DIAPH2: variants seen among roughly 807,000 people sequenced by gnomAD.
DIAPH2 encodes the protein diaphanous related formin 2, also known as protein diaphanous homolog 2.
In DIAPH2, 35 loss-of-function variants were observed where a neutral mutation model predicts 92.7. The ratio of observed to expected loss-of-function variants is 0.38; its 90% confidence interval spans 0.29 to 0.50. The LOEUF is 0.50. Ranked by LOEUF, DIAPH2 falls within the 20% of genes least tolerant of loss-of-function variation. The pLI is 0.94. For synonymous variants in DIAPH2, 301 were observed against 280.4 expected (o/e 1.07, Z -0.73); for missense variants, 701 against 819.5 (o/e 0.86, Z 1.77).
intron 22 of DIAPH2, among the ~76,000 whole-genome samples, chrX:97,218,729 A>T (rs1452714409): frequency 8.9e-6 from 1 of 111,900 alleles, no homozygotes; most frequent in African/African-American, 3.2e-5. Context: ...ATATTTGCAT[A>T]CAATCTAAGC....
rs1034238463 is a variant in DIAPH2, at chrX:97,421,290, A to G, written c.3146-8360A>G. Among the ~76,000 whole-genome samples the G allele has an allele frequency of 2.1e-4, 24 of 111,862 alleles. No individual in the cohort carries two copies. The Admixed American group carries it at 2.2e-3, about 10-fold the overall frequency. On this transcript the variant is annotated intron_variant, in intron 25 of 26. Coordinates refer to ENST00000324765, the MANE Select transcript of DIAPH2 (RefSeq NM_006729.5). ...AGTCTTTATTATCTCCTATTGTTTC[A>G]TGTTAAATTCTGAGAGTTATTTGTC...
chrX:96,868,084 G>A (rs753047595), intron 4 of DIAPH2, among the ~76,000 whole-genome samples: 1 of 112,106 alleles, frequency 8.9e-6, no homozygotes, highest in South Asian at 3.7e-4. Flanking sequence ...TGCCTACCGT[G>A]CCGTAGGATA....
At chrX:96,966,871 C>T (rs2065896549) in intron 17 of DIAPH2, among the ~76,000 whole-genome samples, 1 of 111,713 alleles carries the variant, frequency 9.0e-6, no homozygotes, top group Non-Finnish European at 1.9e-5. Context: ...TTTATAATGT[C>T]ACAAAGAATA....
intron 7 of DIAPH2, among the ~76,000 whole-genome samples, chrX:96,914,975 T>G (rs2065493662): frequency 9.0e-6 from 1 of 111,068 alleles, no homozygotes. Context: ...GACTTACACA[T>G]CAAATTTTTT....
chrX:97,479,360 A>G (rs943677654), intron 26 of DIAPH2, among the ~76,000 whole-genome samples: 6 of 111,897 alleles, frequency 5.4e-5, no homozygotes, highest in African/African-American at 2.0e-4. Context: ...AAGAAAGGTC[A>G]GGAAGTTATT....
chrX:97,191,454 T>C (rs2067653168), intron 22 of DIAPH2, among the ~76,000 whole-genome samples: 1 of 112,012 alleles, frequency 8.9e-6, no homozygotes, highest in Non-Finnish European at 1.9e-5. Flanking sequence ...TTAAAATCTC[T>C]AGTGGGATAG....
chrX:97,041,649 AATTGTAATATTT>A (rs2066449266), intron 17 of DIAPH2, among the ~76,000 whole-genome samples: 1 of 111,827 alleles, frequency 8.9e-6, no homozygotes, highest in Admixed American at 9.5e-5. Flanking sequence ...GGTGCAAAAA[AATTGTAATATTT>A]ACATATCTTT....
At chrX:97,324,465 C>T (rs1438320587) in intron 23 of DIAPH2, among the ~76,000 whole-genome samples, 2 of 112,347 alleles carry the variant, frequency 1.8e-5, no homozygotes, top group Non-Finnish European at 3.8e-5. Context: ...TCAAATAGTA[C>T]ATTTTTAAAA....
chrX:96,949,687 CAAAAAA>C (rs1167294262), intron 15 of DIAPH2, among the ~76,000 whole-genome samples: 3 of 40,315 alleles, frequency 7.4e-5, no homozygotes, highest in Admixed American at 3.8e-4. Context: ...ACTAAAAATA[CAAAAAA>C]AAAAAAAAAA....
chrX:97,456,871 G>A (rs1403589839), intron 26 of DIAPH2, among the ~76,000 whole-genome samples: 1 of 111,148 alleles, frequency 9.0e-6, no homozygotes, highest in Non-Finnish European at 1.9e-5. Flanking sequence ...GAACGTTTCT[G>A]TAAGCATCCA....
At chrX:97,105,713 G>A (rs2066935702) in intron 20 of DIAPH2, among the ~76,000 whole-genome samples, 2 of 112,003 alleles carry the variant, frequency 1.8e-5, no homozygotes, top group African/African-American at 6.5e-5. Context: ...ATCTTCTGAG[G>A]AAAAGAAGGC....
chrX:97,265,588 T>C (rs2068329832), intron 23 of DIAPH2, among the ~76,000 whole-genome samples: 1 of 111,979 alleles, frequency 8.9e-6, no homozygotes, highest in Non-Finnish European at 1.9e-5. Flanking sequence ...ATTCCAGACA[T>C]GTAAAGATCT....
At chrX:97,124,720 C>T (rs750031311) in intron 21 of DIAPH2, among the ~76,000 whole-genome samples, 1 of 111,259 alleles carries the variant, frequency 9.0e-6, no homozygotes, top group East Asian at 2.8e-4. Context: ...TTATTAATAT[C>T]GTGAAGCCTA....
chrX:97,225,552 A>T (rs2067958433), intron 22 of DIAPH2, among the ~76,000 whole-genome samples: 1 of 111,872 alleles, frequency 8.9e-6, no homozygotes, highest in Admixed American at 9.5e-5. Flanking sequence ...TTTTCTAATT[A>T]TATTTATTAG....
chrX:96,843,402 T>C, intron 4 of DIAPH2, among the ~76,000 whole-genome samples: 1 of 112,046 alleles, frequency 8.9e-6, no homozygotes. Context: ...CTAATACATG[T>C]ACACATGTGA....
intron 25 of DIAPH2, among the ~76,000 whole-genome samples, chrX:97,423,143 A>G (rs2070026798): frequency 1.8e-5 from 2 of 111,228 alleles, no homozygotes; most frequent in African/African-American, 6.5e-5. Flanking sequence ...AATCTTTTAT[A>G]ATGGACTGAA....
intron 22 of DIAPH2, among the ~76,000 whole-genome samples, chrX:97,244,039 G>C (rs1437446754): frequency 9.0e-6 from 1 of 111,682 alleles, no homozygotes; most frequent in African/African-American, 3.2e-5. Context: ...ATGTATATGA[G>C]ATAAAAGACA....
intron 12 of DIAPH2, 45 bp from the exon 13 acceptor site, chrX:96,941,973 T>C: frequency 1.4e-6 from 1 of 716,827 alleles, no homozygotes; most frequent in Non-Finnish European, 2.2e-6. Context: ...CAAATTGATC[T>C]GCATGGTTAG....
chrX:97,251,489 G>T (rs1201047381), intron 23 of DIAPH2, among the ~76,000 whole-genome samples: 1 of 108,567 alleles, frequency 9.2e-6, no homozygotes, highest in Non-Finnish European at 1.9e-5. Context: ...TTGGAGTGCA[G>T]TGGCGCGATC....
Sources: gnomAD v4.1 joint callset for allele counts (sites outside exome capture counted in the v4.1 genomes callset) on GRCh38, gnomAD v4.1.1 for gene constraint, MANE v1.5 for transcripts, NCBI Gene and HGNC (gene_info 2026-07-23, HGNC 2026-07-21) for gene names.